The following TCEANC2 variants were observed in gnomAD, a reference collection of about 807,000 sequenced individuals.
TCEANC2 encodes transcription elongation factor A N-terminal and central domain containing 2, also known as transcription elongation factor A N-terminal and central domain-containing protein 2.
A neutral mutation model predicts 22.8 loss-of-function variants in TCEANC2; 20 were observed. That is an observed-to-expected ratio of 0.88 (90% CI 0.62 to 1.28). TCEANC2 has a LOEUF of 1.28. Ranked by LOEUF, TCEANC2 falls within the 50% of genes most tolerant of loss-of-function variation. The pLI, the probability that TCEANC2 is intolerant of heterozygous loss-of-function variation, is 0.00. For synonymous variants in TCEANC2, 84 were observed against 95.5 expected, an observed-to-expected ratio of 0.88 and a Z score of 0.70; for missense variants, 251 against 249.7, an observed-to-expected ratio of 1.01 and a Z score of -0.03.
intron 2 of TCEANC2, among the ~76,000 whole-genome samples, chr1:54,059,142 C>T (rs891979161): frequency 1.3e-5 from 2 of 149,774 alleles, no homozygotes; most frequent in African/African-American, 4.9e-5. Flanking sequence ...AGTACAGGAC[C>T]TTGAGTTTTC....
chr1:54,085,358 A>C (rs1267890591), intron 3 of TCEANC2, among the ~76,000 whole-genome samples: 1 of 152,226 alleles, frequency 6.6e-6, no homozygotes, highest in Non-Finnish European at 1.5e-5. Context: ...TAATTGGAGA[A>C]ATTTTCTAAA....
rs561696875 is a variant in TCEANC2 at position 54,073,570 on chromosome 1, G to A, written c.244+4673G>A. Among the ~76,000 whole-genome samples the A allele has an allele frequency of 4.6e-5, 7 of 152,268 alleles. No individual in the cohort carries two copies. The South Asian group carries it at 1.5e-3, about 32-fold the overall frequency. On this transcript the variant is annotated intron_variant, in intron 3 of 4. Transcript: ENST00000234827. ...TTGGGGTTAGGTGGCTTTTATCCAG[G>A]ATCTAGTAATACTGCAGTGAAAGAG...
Position 54,102,848 on chromosome 1 carries a change from A to G in TCEANC2, c.*6375A>G, listed in dbSNP as rs1464512486. 2 of 152,392 alleles carry G rather than the reference A, an allele frequency of 1.3e-5. No individual in the cohort carries two copies. The highest frequency in any genetic ancestry group is 2.1e-4 in the South Asian group (1 of 4,834). 9.4% of individuals were successfully genotyped at this position (152,392 alleles called of 1,614,324 possible). A position where few individuals can be genotyped will look rare whatever the true frequency, so the allele number is the denominator to read the frequency against. ...CAGGGGCATCCTTGAAAGACAGCAG[A>G]GTGGGGAGTCCTTCTAGTGGGCATA... On this transcript the variant is annotated 3_prime_UTR_variant, in exon 5 of 5. Coordinates refer to ENST00000234827, the MANE Select transcript of TCEANC2 (RefSeq NM_153035.3).
chr1:54,078,858 C>T (rs1258700441), intron 3 of TCEANC2, among the ~76,000 whole-genome samples: 1 of 152,062 alleles, frequency 6.6e-6, no homozygotes, highest in Non-Finnish European at 1.5e-5. Flanking sequence ...TTAGACAGGA[C>T]GAGAGTCAGG....
rs1214067954 is a variant in TCEANC2, at chr1:54,096,718, C to T, written c.*245C>T. 9 of 1,206,768 alleles carry T rather than the reference C, an allele frequency of 7.5e-6. No homozygotes were observed. The highest frequency in any genetic ancestry group is 9.4e-6 in the Non-Finnish European group (9 of 957,930). The allele number at this position is 1,206,768 out of a possible 1,614,324, so 74.8% of individuals were successfully genotyped here. A position where few individuals can be genotyped will look rare whatever the true frequency, so the allele number is the denominator to read the frequency against. ...GCACACTGGCTGTCACTAGGAAGCG[C>T]CATACGGTTGCTATCACCCAACATG... is the stretch of plus-strand genomic sequence containing the variant. On this transcript the variant is annotated 3_prime_UTR_variant, in exon 5 of 5. Transcript: ENST00000234827. This position sits in a 1 kb window ranked among gnomAD's most constrained non-coding sequence, Gnocchi z 4.9.
At chr1:54,082,409 G>A (rs1658264128) in intron 3 of TCEANC2, among the ~76,000 whole-genome samples, 1 of 152,162 alleles carries the variant, frequency 6.6e-6, no homozygotes. Flanking sequence ...AAAGTCAAAT[G>A]TAAATGTTTT....
At chr1:54,062,094 A>G (rs968284529) in intron 2 of TCEANC2, among the ~76,000 whole-genome samples, 2 of 152,344 alleles carry the variant, frequency 1.3e-5, no homozygotes, top group South Asian at 2.1e-4. Flanking sequence ...TGTAGGATCA[A>G]CTAGCCAATA....
chr1:54,088,562 C>T (rs1476482125), intron 3 of TCEANC2, 35 bp from the exon 4 acceptor site: 3 of 1,557,674 alleles, frequency 1.9e-6, no homozygotes, highest in Non-Finnish European at 2.6e-6. Flanking sequence ...GAAGATGTAA[C>T]AACCTTTCCT....
chr1:54,084,311 C>G (rs1371019566), intron 3 of TCEANC2, among the ~76,000 whole-genome samples: 1 of 152,056 alleles, frequency 6.6e-6, no homozygotes, highest in Non-Finnish European at 1.5e-5. Flanking sequence ...CTGCACCCAG[C>G]CTATTTTATT....
chr1:54,090,227 C>T (rs1229187936), intron 4 of TCEANC2: 1 of 198,136 alleles, frequency 5.0e-6, no homozygotes, highest in African/African-American at 2.3e-5. Context: ...CCTTAAAAAA[C>T]TAAATAAAGT....
intron 3 of TCEANC2, among the ~76,000 whole-genome samples, chr1:54,083,706 A>G (rs571877858): frequency 2.0e-5 from 3 of 152,314 alleles, no homozygotes; most frequent in African/African-American, 7.2e-5. Context: ...GCCCTACTAT[A>G]ACACAGCCCA....
In TCEANC2 at chr1:54,102,455, G is replaced by A. The variant is rs938047982; in HGVS notation, c.*5982G>A. 1.3e-5 allele frequency: 2 copies of A among 152,214 alleles called. No individual in the cohort carries two copies. Among genetic ancestry groups the A allele is most frequent in the Non-Finnish European group, 2.9e-5 (2 of 68,038 alleles). The allele number at this position is 152,214 out of a possible 1,614,324, so 9.4% of individuals were successfully genotyped here. A position where few individuals can be genotyped will look rare whatever the true frequency, so the allele number is the denominator to read the frequency against. On this transcript the variant is annotated 3_prime_UTR_variant, in exon 5 of 5. Transcript: ENST00000234827. ...GGTAGAGACAGATCATCAGACCATG[G>A]ATCATCAAGTTGACCATGTGACCAA...
intron 2 of TCEANC2, among the ~76,000 whole-genome samples, chr1:54,057,989 A>G (rs956378764): frequency 6.6e-6 from 1 of 152,204 alleles, no homozygotes. Flanking sequence ...CTGGAGCCAG[A>G]CTGCCTTACT....
In TCEANC2 at chr1:54,099,424, A is replaced by C. The variant is rs1357163596; in HGVS notation, c.*2951A>C. 6.6e-6 allele frequency: 1 copy of C among 152,236 alleles called. No individual in the cohort carries two copies. The highest frequency in any genetic ancestry group is 1.5e-5 in the Non-Finnish European group (1 of 68,054). 9.4% of individuals were successfully genotyped at this position (152,236 alleles called of 1,614,324 possible). On this transcript the variant is annotated 3_prime_UTR_variant, in exon 5 of 5. Transcript: ENST00000234827. Reference sequence around the variant, plus strand: ...CAATCTTGCCCACACACTGAGAAGTAACTCGGAGCTACAGTCTGTTAAAAA... The same window carrying C: ...CAATCTTGCCCACACACTGAGAAGTCACTCGGAGCTACAGTCTGTTAAAAA...
intron 2 of TCEANC2, among the ~76,000 whole-genome samples, chr1:54,064,646 A>C (rs1657914251): frequency 6.6e-6 from 1 of 152,036 alleles, no homozygotes; most frequent in African/African-American, 2.4e-5. Context: ...CCCCTGTGCA[A>C]ATAAAGACTA....
At chr1:54,086,465 A>C (rs1222493113) in intron 3 of TCEANC2, among the ~76,000 whole-genome samples, 1 of 152,248 alleles carries the variant, frequency 6.6e-6, no homozygotes, top group Non-Finnish European at 1.5e-5. Flanking sequence ...GCCGAATGGA[A>C]GTTGGCCAGA....
Position 54,096,175 on chromosome 1 carries a change from T to C in TCEANC2, c.439-110T>C, listed in dbSNP as rs369825205. 1 of 1,408,332 alleles carries C rather than the reference T, an allele frequency of 7.1e-7. No homozygotes were observed. 87.2% of individuals were successfully genotyped at this position (1,408,332 alleles called of 1,614,324 possible). A position where few individuals can be genotyped will look rare whatever the true frequency, so the allele number is the denominator to read the frequency against. Reference sequence around the variant, plus strand: ...CTCTTGTGACAGGAAGTAGATGTCCTTGAATTTCAGTTGATTAATGGAGGC... The same window carrying C: ...CTCTTGTGACAGGAAGTAGATGTCCCTGAATTTCAGTTGATTAATGGAGGC... On this transcript the variant is annotated intron_variant, in intron 4 of 4. Transcript: ENST00000234827. The surrounding 1 kb of genome is among the most constrained non-coding windows in gnomAD (Gnocchi z 4.9).
At chr1:54,090,430 TG>T (rs1658420878) in intron 4 of TCEANC2, among the ~76,000 whole-genome samples, 1 of 152,232 alleles carries the variant, frequency 6.6e-6, no homozygotes, top group South Asian at 2.1e-4. Flanking sequence ...ATATGCCAAA[TG>T]TTCCATAAGA....
At chr1:54,089,697 T>G (rs1658405617) in intron 4 of TCEANC2, among the ~76,000 whole-genome samples, 1 of 152,220 alleles carries the variant, frequency 6.6e-6, no homozygotes, top group African/African-American at 2.4e-5. Flanking sequence ...GTTACTACAG[T>G]CTCTAAAAAA....
Sources: allele counts gnomAD v4.1 joint callset (sites outside exome capture counted in the v4.1 genomes callset), GRCh38; gene constraint gnomAD v4.1.1; non-coding constraint Gnocchi (gnomAD v3.1); transcripts MANE v1.5; gene names NCBI Gene and HGNC (gene_info 2026-07-23, HGNC 2026-07-21).